PPIP5K1: variants seen among roughly 807,000 people sequenced by gnomAD.
PPIP5K1 encodes the protein diphosphoinositol pentakisphosphate kinase 1.
PPIP5K1 carries 6 observed loss-of-function variants against 27.7 expected under a neutral mutation model. That is an observed-to-expected ratio of 0.22 (90% CI 0.12 to 0.43). The LOEUF (loss-of-function observed/expected upper bound fraction) is 0.43. Ranked by LOEUF, PPIP5K1 falls within the 20% of genes least tolerant of loss-of-function variation. PPIP5K1 has a pLI of 1.00. For missense variants in PPIP5K1, 394 were observed against 635.4 expected (o/e 0.62, Z 4.08); for synonymous variants, 145 against 242.6 (o/e 0.60, Z 3.74).
intron 30 of PPIP5K1, chr15:43,548,406 C>CTTTTT (rs1051416710): frequency 7.0e-6 from 1 of 143,564 alleles, no homozygotes; most frequent in Non-Finnish European, 1.5e-5. Context: ...CACACCCAGG[C>CTTTTT]TTTTTTTTTT....
intron 18 of PPIP5K1, among the ~76,000 whole-genome samples, chr15:43,575,578 C>A (rs2084445889): frequency 9.1e-6 from 1 of 109,722 alleles, no homozygotes; most frequent in Non-Finnish European, 1.6e-5. Context: ...TATTTCTGGG[C>A]CTACACTTTA....
At chr15:43,548,847 G>A (rs1374064198) in intron 30 of PPIP5K1, among the ~76,000 whole-genome samples, 1 of 150,768 alleles carries the variant, frequency 6.6e-6, no homozygotes, top group African/African-American at 2.4e-5. Flanking sequence ...CCAACATGGT[G>A]AAACCCTGTC....
intron 10 of PPIP5K1, among the ~76,000 whole-genome samples, chr15:43,580,547 G>A (rs1326184502): frequency 7.9e-6 from 1 of 126,104 alleles, no homozygotes; most frequent in African/African-American, 4.0e-5. Flanking sequence ...CAAGGAGCCT[G>A]AGGAGCCCTT....
At chr15:43,558,724 T>C in intron 30 of PPIP5K1, 71 bp downstream of exon 30, 2 of 1,580,068 alleles carry the variant, frequency 1.3e-6, no homozygotes, top group Non-Finnish European at 1.7e-6. Context: ...TCTAATTTAC[T>C]ACTTTCTTAT....
At chr15:43,536,942 T>C (rs1456319117) in intron 31 of PPIP5K1, among the ~76,000 whole-genome samples, 3 of 152,100 alleles carry the variant, frequency 2.0e-5, no homozygotes, top group South Asian at 4.1e-4. Context: ...TCAGAACATA[T>C]TGCCATTGAA....
chr15:43,541,215 C>T (rs374115520), intron 30 of PPIP5K1, among the ~76,000 whole-genome samples: 81 of 152,118 alleles, frequency 5.3e-4, no homozygotes, highest in African/African-American at 1.9e-3. Context: ...CTGGCTCAAG[C>T]GATCATCACA....
At chr15:43,546,294 G>A (rs1453733207) in intron 30 of PPIP5K1, among the ~76,000 whole-genome samples, 1 of 152,060 alleles carries the variant, frequency 6.6e-6, no homozygotes, top group African/African-American at 2.4e-5. Context: ...CATTTCAGTT[G>A]TTTTTACCTT....
At chr15:43,541,943 G>C (rs1220384191) in intron 30 of PPIP5K1, among the ~76,000 whole-genome samples, 2 of 152,166 alleles carry the variant, frequency 1.3e-5, no homozygotes, top group Non-Finnish European at 2.9e-5. Flanking sequence ...GTGATCCCAT[G>C]TGCTGTATAT....
At chr15:43,540,674 G>A (rs900414746) in intron 30 of PPIP5K1, among the ~76,000 whole-genome samples, 17 of 150,872 alleles carry the variant, frequency 1.1e-4, no homozygotes, top group Admixed American at 6.6e-4. Flanking sequence ...TCCAGCCTGG[G>A]CGACAGAGCA....
intron 30 of PPIP5K1, among the ~76,000 whole-genome samples, chr15:43,554,226 T>C (rs1257282440): frequency 6.6e-6 from 1 of 152,234 alleles, no homozygotes; most frequent in Non-Finnish European, 1.5e-5. Context: ...TTGTGTCATG[T>C]ATTTTGGGGC....
At chr15:43,552,542 A>AG (rs956540503) in intron 30 of PPIP5K1, among the ~76,000 whole-genome samples, 6 of 147,856 alleles carry the variant, frequency 4.1e-5, no homozygotes, top group African/African-American at 1.5e-4. Flanking sequence ...AAAAAAAAAA[A>AG]AAAGAAAAAA....
At chr15:43,536,035 TG>T in intron 31 of PPIP5K1, 1 of 1,195,722 alleles carries the variant, frequency 8.4e-7, no homozygotes, top group South Asian at 1.3e-5. Flanking sequence ...AATGTATTTC[TG>T]GGGCAGAGGT....
At chr15:43,560,167 C>G (rs1451947141) in intron 29 of PPIP5K1, among the ~76,000 whole-genome samples, 6 of 151,404 alleles carry the variant, frequency 4.0e-5, no homozygotes, top group African/African-American at 1.2e-4. Context: ...CTGTATTGAA[C>G]AGAACTGGGG....
intron 30 of PPIP5K1, among the ~76,000 whole-genome samples, chr15:43,555,697 C>G (rs2082849002): frequency 6.6e-6 from 1 of 151,836 alleles, no homozygotes; most frequent in African/African-American, 2.4e-5. Context: ...CTTCTGCCTC[C>G]CCAGTTCTAG....
intron 29 of PPIP5K1, among the ~76,000 whole-genome samples, chr15:43,559,718 G>A (rs1169092881): frequency 2.0e-5 from 3 of 151,676 alleles, no homozygotes; most frequent in Non-Finnish European, 4.4e-5. Context: ...GTCTGGGTAG[G>A]GTCAAGGATA....
At chr15:43,543,015 C>A (rs2080957369) in intron 30 of PPIP5K1, among the ~76,000 whole-genome samples, 2 of 151,810 alleles carry the variant, frequency 1.3e-5, no homozygotes, top group Admixed American at 1.3e-4. Context: ...CAATTTTGGT[C>A]ACTGGGAGCC....
At chr15:43,540,861 C>CAA (rs34085400) in intron 30 of PPIP5K1, among the ~76,000 whole-genome samples, 35 of 73,624 alleles carry the variant, frequency 4.8e-4, no homozygotes, top group Admixed American at 7.2e-4. Context: ...GACTCTGTCT[C>CAA]AAAAAAAAAA....
intron 30 of PPIP5K1, among the ~76,000 whole-genome samples, chr15:43,557,031 A>G (rs562015037): frequency 4.6e-5 from 7 of 152,320 alleles, no homozygotes; most frequent in African/African-American, 1.7e-4. Context: ...CCTACTTAAC[A>G]CATGATTTAA....
intron 30 of PPIP5K1, among the ~76,000 whole-genome samples, chr15:43,556,637 C>A (rs2082993547): frequency 6.6e-6 from 1 of 152,106 alleles, no homozygotes; most frequent in Admixed American, 6.5e-5. Context: ...CACTTTTCTG[C>A]CCTGAATAAG....
Sources: gnomAD v4.1 joint callset for allele counts (sites outside exome capture counted in the v4.1 genomes callset) on GRCh38, gnomAD v4.1.1 for gene constraint, MANE v1.5 for transcripts, NCBI Gene and HGNC (gene_info 2026-07-23, HGNC 2026-07-21) for gene names.